Variants in CCDC85A observed in about 807,000 individuals in gnomAD.
CCDC85A encodes coiled-coil domain-containing protein 85A.
CCDC85A carries 38 observed loss-of-function variants against 50.2 expected under a neutral mutation model. The ratio of observed to expected loss-of-function variants is 0.76; its 90% CI spans 0.58 to 0.99. CCDC85A has a LOEUF of 0.99. Among genes scored for constraint, CCDC85A ranks in the 50% least tolerant of loss-of-function variants. The pLI is 0.00. For missense variants in CCDC85A, 820 were observed against 742.0 expected (o/e 1.11, Z -1.22); for synonymous variants, 366 against 301.4 (o/e 1.21, Z -2.22).
chr2:56,302,667 A>G (rs1176724097), intron 2 of CCDC85A, among the ~76,000 whole-genome samples: 1 of 152,182 alleles, frequency 6.6e-6, no homozygotes, highest in Non-Finnish European at 1.5e-5. Context: ...ATACAAAGTC[A>G]CCTTTCTTTA....
rs138819277 is a variant in CCDC85A, at chr2:56,268,453, A to G, written c.1241-74426A>G. Among the ~76,000 whole-genome samples the G allele has an allele frequency of 2.7e-3, 411 of 152,064 alleles. 1 individual carries two copies. Among genetic ancestry groups the G allele is most frequent in the African/African-American group, 9.6e-3 (399 of 41,532 alleles). On this transcript the variant is annotated intron_variant, in intron 2 of 5. Coordinates refer to ENST00000407595, the MANE Select transcript of CCDC85A (RefSeq NM_001080433.2). ...TACTAAAAATACAAAAAATTAGCCA[A>G]GAGTGGTGGCGGACGCCTGTAGTCC...
At chr2:56,315,462 T>G (rs1672879149) in intron 2 of CCDC85A, among the ~76,000 whole-genome samples, 1 of 152,174 alleles carries the variant, frequency 6.6e-6, no homozygotes, top group Non-Finnish European at 1.5e-5. Flanking sequence ...TAGCAAATAC[T>G]TATGCAGTTT....
chr2:56,373,930 G>A (rs1676206342), intron 4 of CCDC85A, among the ~76,000 whole-genome samples: 2 of 152,132 alleles, frequency 1.3e-5, no homozygotes, highest in Non-Finnish European at 2.9e-5. Context: ...AAAGTATAGA[G>A]GAAGAAGATG....
chr2:56,213,992 G>A (rs1035999187), intron 2 of CCDC85A, among the ~76,000 whole-genome samples: 3 of 151,952 alleles, frequency 2.0e-5, no homozygotes, highest in African/African-American at 4.8e-5. Flanking sequence ...GGCAGCAGAC[G>A]TGTTCAGTGA....
At chr2:56,359,689 C>G (rs1005477246) in intron 3 of CCDC85A, among the ~76,000 whole-genome samples, 4 of 152,184 alleles carry the variant, frequency 2.6e-5, no homozygotes, top group Non-Finnish European at 5.9e-5. Context: ...TCTCCCTTTT[C>G]TCAAGTGAGG....
In CCDC85A at chr2:56,266,590, C is replaced by CA. The variant is rs1553401989; in HGVS notation, c.1240+73151dup. On this transcript the variant is annotated intron_variant, in intron 2 of 5. Coordinates refer to ENST00000407595, the MANE Select transcript of CCDC85A (RefSeq NM_001080433.2). ...TTAACAATAACGCGCCCCCCCCCCC[C>CA]ATAATCTTCTTCCTCCAAAAAAGAT... 6.8e-5 allele frequency among the ~76,000 whole-genome samples: 9 copies of CA among 131,842 alleles called. 1 individual carries two copies. Among genetic ancestry groups the CA allele is most frequent in the African/African-American group, 1.9e-4 (7 of 36,196 alleles). The allele number at this position is 131,842 out of a possible 152,430, so 86.5% of individuals were successfully genotyped here.
intron 4 of CCDC85A, among the ~76,000 whole-genome samples, chr2:56,374,213 C>T (rs1676221150): frequency 6.6e-6 from 1 of 152,106 alleles, no homozygotes; most frequent in African/African-American, 2.4e-5. Flanking sequence ...CTACTGCTTC[C>T]TCTCCTTGTT....
At chr2:56,266,783 C>G (rs1205076718) in intron 2 of CCDC85A, among the ~76,000 whole-genome samples, 1 of 152,010 alleles carries the variant, frequency 6.6e-6, no homozygotes, top group Non-Finnish European at 1.5e-5. Context: ...CTATTGTTGC[C>G]TACTTATAGA....
intron 2 of CCDC85A, among the ~76,000 whole-genome samples, chr2:56,201,144 T>C (rs939002667): frequency 3.3e-5 from 5 of 151,274 alleles, no homozygotes; most frequent in African/African-American, 1.2e-4. Flanking sequence ...ACACAGCATT[T>C]AGTGTTCTTG....
intron 2 of CCDC85A, among the ~76,000 whole-genome samples, chr2:56,271,676 T>C (rs565657157): frequency 3.9e-5 from 6 of 152,308 alleles, no homozygotes; most frequent in Admixed American, 1.3e-4. Context: ...GAGGTCTCCG[T>C]TGCTGAACAA....
At chr2:56,224,892 T>C (rs1255353469) in intron 2 of CCDC85A, among the ~76,000 whole-genome samples, 1 of 152,120 alleles carries the variant, frequency 6.6e-6, no homozygotes, top group Admixed American at 6.6e-5. Flanking sequence ...ATTCTGTGGG[T>C]TGTGTTTTCA....
chr2:56,369,041 T>C (rs891925110), intron 3 of CCDC85A, among the ~76,000 whole-genome samples: 2 of 152,088 alleles, frequency 1.3e-5, no homozygotes, highest in Non-Finnish European at 1.5e-5. Context: ...AGATCACACA[T>C]CAAATTCTGA....
At chr2:56,289,015 C>T (rs1387414151) in intron 2 of CCDC85A, among the ~76,000 whole-genome samples, 1 of 152,112 alleles carries the variant, frequency 6.6e-6, no homozygotes, top group East Asian at 1.9e-4. Context: ...CAGAGGTGGC[C>T]TAAGTAGCAC....
intron 3 of CCDC85A, among the ~76,000 whole-genome samples, chr2:56,352,061 A>C (rs1326402639): frequency 6.6e-6 from 1 of 152,134 alleles, no homozygotes; most frequent in Admixed American, 6.5e-5. Flanking sequence ...AGTTCCTACA[A>C]GGAGATTTAG....
intron 2 of CCDC85A, among the ~76,000 whole-genome samples, chr2:56,262,137 G>T (rs1402340200): frequency 6.6e-6 from 1 of 152,098 alleles, no homozygotes; most frequent in Non-Finnish European, 1.5e-5. Context: ...GAGGAAATTT[G>T]AGAGGTCAGT....
At chr2:56,291,555 C>T (rs1466645760) in intron 2 of CCDC85A, among the ~76,000 whole-genome samples, 1 of 152,128 alleles carries the variant, frequency 6.6e-6, no homozygotes, top group Admixed American at 6.5e-5. Flanking sequence ...TAGAAAGATA[C>T]TGTTCCCTTG....
rs142338075 is a variant in CCDC85A, at chr2:56,216,425, G to A, written c.1240+22985G>A. On this transcript the variant is annotated intron_variant, in intron 2 of 5. Coordinates refer to ENST00000407595, the MANE Select transcript of CCDC85A (RefSeq NM_001080433.2). ...TCGTACTACTTAAAATTTTTTGCCA[G>A]TATGATGGGTGTAATCTAGTATTTC... is the stretch of plus-strand genomic sequence containing the variant. Among the ~76,000 whole-genome samples, 554 of 151,786 alleles carry A rather than the reference G, an allele frequency of 3.6e-3. 8 individuals carry two copies. The highest frequency in any genetic ancestry group is 0.013 in the African/African-American group (529 of 41,466).
chr2:56,257,708 A>G (rs1670044495), intron 2 of CCDC85A, among the ~76,000 whole-genome samples: 1 of 152,176 alleles, frequency 6.6e-6, no homozygotes, highest in Admixed American at 6.5e-5. Context: ...TCAGGTATCT[A>G]CAAGGCGAAT....
chr2:56,239,950 G>A (rs1037765009), intron 2 of CCDC85A, among the ~76,000 whole-genome samples: 2 of 152,004 alleles, frequency 1.3e-5, no homozygotes, highest in Non-Finnish European at 2.9e-5. Context: ...GTTTTACCAA[G>A]ATTTACATAC....
Sources: gnomAD v4.1 joint callset for allele counts (sites outside exome capture counted in the v4.1 genomes callset) on GRCh38, gnomAD v4.1.1 for gene constraint, MANE v1.5 for transcripts, NCBI Gene and HGNC (gene_info 2026-07-23, HGNC 2026-07-21) for gene names.